SENP6: variants seen among roughly 807,000 people sequenced by gnomAD.
The protein encoded by SENP6 is sentrin-specific protease 6.
In SENP6, 41 loss-of-function variants were observed where a neutral mutation model predicts 134.5. The observed-to-expected ratio is 0.30, with a 90% CI of 0.24 to 0.40. The LOEUF is 0.40. Ranked by LOEUF, SENP6 falls within the 10% of genes least tolerant of loss-of-function variation. The pLI is 1.00. For synonymous variants in SENP6, 395 were observed against 429.8 expected, an observed-to-expected ratio of 0.92 and a Z score of 1.00; for missense variants, 1,248 against 1,312.5, an observed-to-expected ratio of 0.95 and a Z score of 0.76.
rs760809028 is a variant in SENP6, at chr6:75,659,301, T to C, written c.590T>C (p.Val197Ala). The change falls in exon 8 of 24, where the codon GTG (valine) becomes GCG (alanine). Residue 197 changes from valine (V) to alanine (A), a missense_variant. Physicochemically the swap from Val to Ala is moderately conservative, Grantham distance 64. Around this residue, in one of 3 missense-constraint regions of SENP6, gnomAD observed 733 missense variants for 725.4 expected, o/e 1.01. Coordinates refer to ENST00000447266, the MANE Select transcript of SENP6 (RefSeq NM_015571.4). ...AAAACAGAAGAGTCCGAATCACAAG[T>C]GGAGCCTGAAATTAAGAGGAAAGTA... is the stretch of plus-strand genomic sequence containing the variant. ...MKKTEESESQ[V>A]EPEIKRKVQQ... 2 of 1,612,882 alleles carry C rather than the reference T, an allele frequency of 1.2e-6. No homozygotes were observed. The highest frequency in any genetic ancestry group is 1.7e-6 in the Non-Finnish European group (2 of 1,179,088).
intron 1 of SENP6, among the ~76,000 whole-genome samples, chr6:75,608,468 A>C (rs1232913029): frequency 6.6e-6 from 1 of 151,860 alleles, no homozygotes; most frequent in Admixed American, 6.6e-5. Context: ...AAGAAAAAAG[A>C]GAGGGAGGGA....
intron 4 of SENP6, 72 bp downstream of exon 4, chr6:75,633,798 A>G (rs571969917): frequency 3.0e-6 from 4 of 1,343,790 alleles, no homozygotes; most frequent in Non-Finnish European, 4.0e-6. Context: ...CTTAGAAGCT[A>G]ATAGGCCCAA....
intron 19 of SENP6, among the ~76,000 whole-genome samples, chr6:75,704,719 A>G (rs1215658819): frequency 6.6e-6 from 1 of 152,168 alleles, no homozygotes; most frequent in Admixed American, 6.5e-5. Context: ...ATTTCAGACT[A>G]TCACATGGGG....
intron 10 of SENP6, among the ~76,000 whole-genome samples, chr6:75,668,453 G>A (rs573451387): frequency 6.6e-6 from 1 of 151,856 alleles, no homozygotes; most frequent in African/African-American, 2.4e-5. Flanking sequence ...AAGAAATAGA[G>A]GCAAACCATA....
intron 8 of SENP6, among the ~76,000 whole-genome samples, chr6:75,662,138 T>C (rs1027626986): frequency 6.6e-6 from 1 of 152,178 alleles, no homozygotes; most frequent in Non-Finnish European, 1.5e-5. Context: ...AAAAATGACA[T>C]AGTCTCAAAG....
At chr6:75,603,719 C>CT (rs1372825059) in intron 1 of SENP6, among the ~76,000 whole-genome samples, 1 of 152,024 alleles carries the variant, frequency 6.6e-6, no homozygotes, top group Non-Finnish European at 1.5e-5. Context: ...CGAACAGTGC[C>CT]TGGAACACAG....
intron 16 of SENP6, among the ~76,000 whole-genome samples, chr6:75,688,221 C>T (rs1016337112): frequency 6.6e-6 from 1 of 152,258 alleles, no homozygotes. Flanking sequence ...GAGAGAATCA[C>T]CTTGTCTGCT....
chr6:75,624,442 A>G (rs925008661), intron 3 of SENP6, among the ~76,000 whole-genome samples: 1 of 152,130 alleles, frequency 6.6e-6, no homozygotes, highest in African/African-American at 2.4e-5. Flanking sequence ...GAATTCCTAG[A>G]GGTTGCACTG....
At position 75,676,023 on chromosome 6, in the gene SENP6, G is replaced by C; in HGVS notation, c.1590G>C (p.Trp530Cys). The change falls in exon 13 of 24, where the codon TGG becomes TGC. Residue 530 changes from tryptophan to cysteine, a missense_variant. Physicochemically the swap from Trp to Cys is radical, Grantham distance 215. Transcript: ENST00000447266. The part of the protein sequence containing the change: ...QLQMNKEDKV[W>C]NDCKGVNKLT... Reference sequence around the variant, plus strand: ...AAATGAATAAGGAGGATAAAGTTTGGAATGATTGTAAAGGAGTAAATAAAT... The same window carrying C: ...AAATGAATAAGGAGGATAAAGTTTGCAATGATTGTAAAGGAGTAAATAAAT... The C allele has an allele frequency of 6.2e-7, 1 of 1,607,912 alleles. No homozygotes were observed. The highest frequency in any genetic ancestry group is 8.5e-7 in the Non-Finnish European group (1 of 1,177,798).
At chr6:75,609,091 G>C (rs927277966) in intron 1 of SENP6, among the ~76,000 whole-genome samples, 5 of 151,340 alleles carry the variant, frequency 3.3e-5, no homozygotes, top group Non-Finnish European at 7.4e-5. Context: ...AGGAACTTGA[G>C]GTATAGAAGG....
chr6:75,673,548 T>G (rs1357647454), intron 11 of SENP6, among the ~76,000 whole-genome samples: 1 of 151,382 alleles, frequency 6.6e-6, no homozygotes, highest in Non-Finnish European at 1.5e-5. Context: ...GGTCTCAAAC[T>G]CCTGACCTCA....
chr6:75,614,282 T>G (rs1368793951), intron 1 of SENP6, among the ~76,000 whole-genome samples: 1 of 151,728 alleles, frequency 6.6e-6, no homozygotes, highest in Non-Finnish European at 1.5e-5. Context: ...TTTTTTTTGT[T>G]TGAGACAGAG....
rs767212632 is a variant in SENP6 at position 75,634,670 on chromosome 6, C to T, written c.354-37C>T. ...TTTTATAAATGTGTATATAATTTTT[C>T]CGTGTTCAAGTTATTTTTTGTTTCT... On this transcript the variant is annotated intron_variant, in intron 4 of 23. Coordinates refer to ENST00000447266, the MANE Select transcript of SENP6 (RefSeq NM_015571.4). 1.3e-5 allele frequency: 15 copies of T among 1,178,178 alleles called. No individual in the cohort carries two copies. In the East Asian group the frequency reaches 3.5e-4, roughly 27 times the overall value. 73.0% of individuals were successfully genotyped at this position (1,178,178 alleles called of 1,614,324 possible). A position where few individuals can be genotyped will look rare whatever the true frequency, so the allele number is the denominator to read the frequency against.
chr6:75,625,237 G>A (rs1032212984), intron 3 of SENP6, among the ~76,000 whole-genome samples: 3 of 149,240 alleles, frequency 2.0e-5, no homozygotes, highest in South Asian at 2.2e-4. Flanking sequence ...TCAGCCACAC[G>A]AGTAGTTGGG....
rs1165720492 is a variant in SENP6, at chr6:75,647,789, C to T, written c.538C>T (p.Leu180Phe). The T allele has an allele frequency of 3.7e-6, 6 of 1,612,404 alleles. No homozygotes were observed. The East Asian group carries it at 1.1e-4, about 30-fold the overall frequency. Reference protein sequence around the residue: ...VEINPVRLSRLQGVERIMKKT... With the variant: ...VEINPVRLSRFQGVERIMKKT... ...AATTAATCCTGTAAGGTTAAGTCGG[C>T]TCCAAGGTGTTGGTAAGTGTGCAGT... Residue 180 changes from leucine (L) to phenylalanine (F), a missense_variant, in exon 7 of 24, where the codon CTC becomes TTC. Physicochemically the swap from Leu to Phe is conservative, Grantham distance 22. Transcript: ENST00000447266.
At chr6:75,656,252 A>G (rs1326010225) in intron 7 of SENP6, among the ~76,000 whole-genome samples, 1 of 152,006 alleles carries the variant, frequency 6.6e-6, no homozygotes, top group East Asian at 1.9e-4. Flanking sequence ...TTGAGCTACA[A>G]AATCTAGTAG....
chr6:75,622,739 T>C (rs1408298761), intron 2 of SENP6: 18 of 1,254,838 alleles, frequency 1.4e-5, no homozygotes, highest in Middle Eastern at 2.1e-4. Context: ...ATATATTGGC[T>C]AAATATTGTA....
At chr6:75,603,415 G>A (rs963952539) in intron 1 of SENP6, among the ~76,000 whole-genome samples, 1 of 152,122 alleles carries the variant, frequency 6.6e-6, no homozygotes, top group Admixed American at 6.5e-5. Context: ...TACTTAATTT[G>A]ACTATGGGTT....
rs1399731841 is a variant in SENP6 at position 75,666,310 on chromosome 6, C to G, written c.995-402C>G. 2.7e-5 allele frequency among the ~76,000 whole-genome samples: 4 copies of G among 148,168 alleles called. No individual in the cohort carries two copies. In the Admixed American group the frequency reaches 2.7e-4, roughly 10 times the overall value. ...ATACTTGACTACATGGAGTTTCACA[C>G]ATATTTACAATGCATTCTATTTTGT... On this transcript the variant is annotated intron_variant, in intron 9 of 23. Transcript: ENST00000447266.
Sources: gnomAD v4.1 joint callset for allele counts (sites outside exome capture counted in the v4.1 genomes callset) on GRCh38, gnomAD v4.1.1 for gene constraint, gnomAD v4.1.1 regional missense constraint, MANE v1.5 for transcripts, NCBI Gene and HGNC (gene_info 2026-07-23, HGNC 2026-07-21) for gene names.